SORCS3: variants seen among roughly 807,000 people sequenced by gnomAD.
SORCS3 encodes sortilin related VPS10 domain containing receptor 3.
A neutral mutation model predicts 146.3 loss-of-function variants in SORCS3; 57 were observed. The observed-to-expected ratio is 0.39, with a 90% CI of 0.31 to 0.49. SORCS3 has a LOEUF of 0.49. SORCS3 is among the 20% of genes least tolerant of loss of function. The pLI is 0.92. For missense variants in SORCS3, 1,341 were observed against 1,575.5 expected, an observed-to-expected ratio of 0.85 and a Z score of 2.52; for synonymous variants, 653 against 618.5, an observed-to-expected ratio of 1.06 and a Z score of -0.83.
At chr10:105,225,461 A>G (rs1469468722) in intron 20 of SORCS3, among the ~76,000 whole-genome samples, 8 of 151,972 alleles carry the variant, frequency 5.3e-5, no homozygotes, top group Non-Finnish European at 1.0e-4. Flanking sequence ...TTTTTCACCA[A>G]TACAACCTGT....
At chr10:104,828,986 A>G (rs1164038614) in intron 1 of SORCS3, among the ~76,000 whole-genome samples, 1 of 152,136 alleles carries the variant, frequency 6.6e-6, no homozygotes, top group Non-Finnish European at 1.5e-5. Flanking sequence ...TGAGAGTTTA[A>G]ACTTTTTCCA....
chr10:104,820,831 AAC>A (rs2017864281), intron 1 of SORCS3, among the ~76,000 whole-genome samples: 1 of 152,214 alleles, frequency 6.6e-6, no homozygotes, highest in South Asian at 2.1e-4. Context: ...AGGATGCATC[AAC>A]AGTCATATAT....
intron 1 of SORCS3, among the ~76,000 whole-genome samples, chr10:104,825,218 T>C (rs1307149736): frequency 2.0e-5 from 3 of 152,174 alleles, no homozygotes; most frequent in Non-Finnish European, 4.4e-5. Flanking sequence ...GGAAGGAACC[T>C]AATGCATGCT....
intron 4 of SORCS3, among the ~76,000 whole-genome samples, chr10:105,035,464 G>GTTTT (rs58969291): frequency 1.4e-5 from 2 of 141,160 alleles, no homozygotes; most frequent in African/African-American, 2.7e-5. Context: ...TTCTCACCAA[G>GTTTT]TTTTTTTTTT....
chr10:105,183,819 C>A (rs1303398908), intron 14 of SORCS3, among the ~76,000 whole-genome samples: 1 of 67,934 alleles, frequency 1.5e-5, no homozygotes, highest in African/African-American at 5.1e-5. Flanking sequence ...GGACTGGCAA[C>A]AGCCTGGAAG....
intron 1 of SORCS3, among the ~76,000 whole-genome samples, chr10:104,682,233 A>C (rs1372394818): frequency 6.6e-6 from 1 of 152,236 alleles, no homozygotes; most frequent in African/African-American, 2.4e-5. Flanking sequence ...AAAAATCTTC[A>C]TGCTAGTTCA....
intron 1 of SORCS3, among the ~76,000 whole-genome samples, chr10:104,798,615 G>A (rs1298627532): frequency 6.6e-6 from 1 of 152,162 alleles, no homozygotes; most frequent in Admixed American, 6.6e-5. Flanking sequence ...AAACAGTTTG[G>A]TAGTTTCTTA....
chr10:104,840,331 T>G (rs1437012727), intron 1 of SORCS3, among the ~76,000 whole-genome samples: 1 of 152,232 alleles, frequency 6.6e-6, no homozygotes, highest in Non-Finnish European at 1.5e-5. Context: ...CTAGTTAGTT[T>G]CTACTCTTTC....
At chr10:104,659,071 A>G (rs2015668812) in intron 1 of SORCS3, among the ~76,000 whole-genome samples, 1 of 152,168 alleles carries the variant, frequency 6.6e-6, no homozygotes, top group Admixed American at 6.5e-5. Context: ...TTTTTAAGGA[A>G]ATATCACAAC....
In SORCS3 at chr10:104,949,950, A is replaced by T. The variant is rs185158471; in HGVS notation, c.796-27385A>T. ...TGAGTTAAGAGAGTAATAAGATTTG[A>T]TTTACAATAAGTTTAATTTGTAATC... On this transcript the variant is annotated intron_variant, in intron 3 of 26. Transcript: ENST00000369701. Among the ~76,000 whole-genome samples the T allele has an allele frequency of 1.4e-4, 21 of 152,354 alleles. No homozygotes were observed. In the East Asian group the frequency reaches 4.0e-3, roughly 29 times the overall value.
chr10:104,864,164 C>T (rs2133562957), intron 2 of SORCS3, among the ~76,000 whole-genome samples: 1 of 152,228 alleles, frequency 6.6e-6, no homozygotes, highest in Non-Finnish European at 1.5e-5. Context: ...ACTTTGAGTA[C>T]ATAGGGATGT....
intron 1 of SORCS3, among the ~76,000 whole-genome samples, chr10:104,727,754 A>G (rs2016655645): frequency 6.6e-6 from 1 of 152,088 alleles, no homozygotes; most frequent in African/African-American, 2.4e-5. Context: ...TGTGCAAGAG[A>G]GCATTACTGC....
chr10:104,959,898 C>T (rs1358385799), intron 3 of SORCS3, among the ~76,000 whole-genome samples: 1 of 152,156 alleles, frequency 6.6e-6, no homozygotes, highest in Non-Finnish European at 1.5e-5. Flanking sequence ...TGAACAGGAT[C>T]AGTCCCTCTT....
rs796572373 is a variant in SORCS3, at chr10:104,677,674, C to T, written c.627+35720C>T. Among the ~76,000 whole-genome samples the T allele has an allele frequency of 5.9e-5, 9 of 152,296 alleles. No individual in the cohort carries two copies. In the South Asian group the frequency reaches 1.7e-3, roughly 28 times the overall value. On this transcript the variant is annotated intron_variant, in intron 1 of 26. Coordinates refer to ENST00000369701, the MANE Select transcript of SORCS3 (RefSeq NM_014978.3). The stretch of plus-strand genomic sequence containing the variant: ...CAGGGCTTGCTATCAGAGCAGTTGG[C>T]TCAGAGGACGAAATGTGGCAGGAAT...
In SORCS3 at chr10:104,912,781, C is replaced by A. The variant is rs1472688066; in HGVS notation, c.696-3052C>A. On this transcript the variant is annotated intron_variant, in intron 2 of 26. Transcript: ENST00000369701. ...GGAGTTACAGCCAAGGAAGAGATCC[C>A]AGAATAAGGACAGTGTAGCCAAACC... is the stretch of plus-strand genomic sequence containing the variant. 3.3e-5 allele frequency among the ~76,000 whole-genome samples: 5 copies of A among 152,170 alleles called. No homozygotes were observed. In the South Asian group the frequency reaches 8.3e-4, roughly 25 times the overall value.
At chr10:104,841,901 G>C (rs990528059) in intron 1 of SORCS3, among the ~76,000 whole-genome samples, 1 of 152,322 alleles carries the variant, frequency 6.6e-6, no homozygotes, top group East Asian at 1.9e-4. Context: ...TTATGCACCT[G>C]CGTTTTGATT....
intron 8 of SORCS3, among the ~76,000 whole-genome samples, chr10:105,144,295 A>T (rs1012579692): frequency 3.3e-5 from 5 of 152,132 alleles, no homozygotes; most frequent in Non-Finnish European, 5.9e-5. Context: ...CATAGCACTT[A>T]GTCAAATTTG....
intron 2 of SORCS3, among the ~76,000 whole-genome samples, chr10:104,861,257 G>A (rs1265033477): frequency 1.3e-5 from 2 of 152,160 alleles, no homozygotes; most frequent in African/African-American, 4.8e-5. Context: ...GTACAGAGAA[G>A]TGAAAAGCAT....
intron 14 of SORCS3, among the ~76,000 whole-genome samples, chr10:105,179,981 A>G (rs1589675601): frequency 6.6e-6 from 1 of 152,326 alleles, no homozygotes; most frequent in African/African-American, 2.4e-5. Flanking sequence ...CTGTGTGGTC[A>G]GGGAGAAAAA....
Sources: gnomAD v4.1 joint callset for allele counts (sites outside exome capture counted in the v4.1 genomes callset) on GRCh38, gnomAD v4.1.1 for gene constraint, MANE v1.5 for transcripts, NCBI Gene and HGNC (gene_info 2026-07-23, HGNC 2026-07-21) for gene names.